The following ITPR1 variants were observed in gnomAD, a reference collection of about 807,000 sequenced individuals.
ITPR1 encodes inositol 1,4,5-trisphosphate-gated calcium channel ITPR1.
Under a neutral mutation model 318.4 loss-of-function variants are expected in ITPR1, and 96 were observed. That is an observed-to-expected ratio of 0.30 (90% CI 0.26 to 0.36). The LOEUF is 0.36. Among genes scored for constraint, ITPR1 ranks in the 10% least tolerant of loss-of-function variants. ITPR1 has a pLI of 1.00. For missense variants in ITPR1, 2,440 were observed against 3,460.2 expected, an observed-to-expected ratio of 0.71 and a Z score of 7.40; for synonymous variants, 1,312 against 1,289.9, an observed-to-expected ratio of 1.02 and a Z score of -0.37.
chr3:4,615,069 G>T (rs1043747041), intron 4 of ITPR1, among the ~76,000 whole-genome samples: 19 of 152,328 alleles, frequency 1.2e-4, no homozygotes, highest in Admixed American at 1.1e-3. Context: ...ACTATGGGAG[G>T]CATGGCTGCG....
chr3:4,725,759 G>A (rs2042471951), intron 41 of ITPR1, among the ~76,000 whole-genome samples, 178 bp downstream of exon 41: 1 of 152,150 alleles, frequency 6.6e-6, no homozygotes, highest in Admixed American at 6.5e-5. Flanking sequence ...GGCTCTCAGT[G>A]TAGAAAGTTC....
In ITPR1 at chr3:4,727,189, T is replaced by A; in HGVS notation, c.5220+16T>A. ...CCATAAAAGGGTACGTAGTCTTGAGTCTTGGGTATCGGGAGCTAATGATCA... is the reference window on the plus strand; with the variant it reads ...CCATAAAAGGGTACGTAGTCTTGAGACTTGGGTATCGGGAGCTAATGATCA... On this transcript the variant is annotated intron_variant, in intron 42 of 61. Coordinates refer to ENST00000649015, the MANE Select transcript of ITPR1 (RefSeq NM_001378452.1). 1 of 1,575,008 alleles carries A rather than the reference T, an allele frequency of 6.3e-7. No homozygotes were observed. The highest frequency in any genetic ancestry group is 1.1e-5 in the South Asian group (1 of 87,922).
At chr3:4,607,612 G>A (rs1192061749) in intron 4 of ITPR1, among the ~76,000 whole-genome samples, 3 of 152,194 alleles carry the variant, frequency 2.0e-5, no homozygotes, top group East Asian at 1.9e-4. Context: ...GAATTTGGGG[G>A]CAAGGGTTTT....
chr3:4,674,180 T>A, intron 21 of ITPR1, 22 bp from the exon 22 acceptor site: 1 of 1,528,518 alleles, frequency 6.5e-7, no homozygotes. Context: ...TTTTGTTTCC[T>A]TTCTTTCTCC....
At chr3:4,638,402 T>A (rs2093253908) in intron 5 of ITPR1, among the ~76,000 whole-genome samples, 1 of 152,192 alleles carries the variant, frequency 6.6e-6, no homozygotes, top group Admixed American at 6.5e-5. Flanking sequence ...TATTGTAGTG[T>A]GGTAACAGTG....
At chr3:4,659,167 A>G (rs973818345) in intron 13 of ITPR1, among the ~76,000 whole-genome samples, 1 of 152,210 alleles carries the variant, frequency 6.6e-6, no homozygotes, top group African/African-American at 2.4e-5. Context: ...GATTACACGT[A>G]TGGCCCCTCG....
chr3:4,621,933 C>T (rs540497576), intron 4 of ITPR1, among the ~76,000 whole-genome samples: 1 of 152,246 alleles, frequency 6.6e-6, no homozygotes, highest in South Asian at 2.1e-4. Flanking sequence ...TGCCTCCCCA[C>T]CTCAGCCCTA....
At chr3:4,571,477 T>C (rs556627844) in intron 4 of ITPR1, among the ~76,000 whole-genome samples, 3 of 152,192 alleles carry the variant, frequency 2.0e-5, no homozygotes, top group African/African-American at 7.2e-5. Flanking sequence ...TAGCTGGGAC[T>C]ACAGGCACAT....
intron 34 of ITPR1, among the ~76,000 whole-genome samples, chr3:4,697,777 C>T (rs1257096251): frequency 2.6e-5 from 4 of 151,956 alleles, no homozygotes; most frequent in African/African-American, 7.3e-5. Context: ...TGCTCTTAGC[C>T]GAGAATGGAT....
At chr3:4,649,915 G>A (rs560776273) in intron 10 of ITPR1, among the ~76,000 whole-genome samples, 1 of 152,236 alleles carries the variant, frequency 6.6e-6, no homozygotes, top group African/African-American at 2.4e-5. Flanking sequence ...ACCTCCCAAA[G>A]GTGAAGTATA....
intron 60 of ITPR1, among the ~76,000 whole-genome samples, chr3:4,836,502 T>C (rs2050927684): frequency 6.6e-6 from 1 of 152,188 alleles, no homozygotes; most frequent in Non-Finnish European, 1.5e-5. Context: ...GTATTCAGAT[T>C]TGGAGATTAG....
intron 4 of ITPR1, among the ~76,000 whole-genome samples, chr3:4,531,608 G>A (rs2083421176): frequency 6.6e-6 from 1 of 152,134 alleles, no homozygotes; most frequent in Non-Finnish European, 1.5e-5. Flanking sequence ...AGCCTTATCT[G>A]CAGTAACTCC....
At chr3:4,645,799 C>CTA (rs2093442337) in intron 10 of ITPR1, 71 bp downstream of exon 10, 2 of 1,413,698 alleles carry the variant, frequency 1.4e-6, no homozygotes, top group Non-Finnish European at 9.8e-7. Context: ...CTCTCTCTCT[C>CTA]TATCCTACAA....
At chr3:4,571,212 G>A (rs1207403259) in intron 4 of ITPR1, among the ~76,000 whole-genome samples, 1 of 152,212 alleles carries the variant, frequency 6.6e-6, no homozygotes, top group Non-Finnish European at 1.5e-5. Flanking sequence ...TCATGTCAGA[G>A]GGCATGGATA....
At position 4,710,496 on chromosome 3, in the gene ITPR1, G is replaced by A. The variant is rs373933380; in HGVS notation, c.4991+23G>A. ...CAAGTAAGCGGCCTCTCTCTCTGGG[G>A]TGTTCATTTGCCAGAACCTTGATGA... On this transcript the variant is annotated intron_variant, in intron 38 of 61. Transcript: ENST00000649015. The surrounding 1 kb of genome is among the most constrained non-coding windows in gnomAD (Gnocchi z 4.2). The A allele has an allele frequency of 1.1e-5, 17 of 1,548,826 alleles. No individual in the cohort carries two copies. The highest frequency in any genetic ancestry group is 1.5e-5 in the Non-Finnish European group (17 of 1,144,794).
intron 39 of ITPR1, among the ~76,000 whole-genome samples, chr3:4,714,815 T>C (rs1435848849): frequency 6.6e-6 from 1 of 152,240 alleles, no homozygotes; most frequent in Non-Finnish European, 1.5e-5. Context: ...AACTTTGGCG[T>C]GCCTGTTTGG....
chr3:4,633,664 T>A (rs1011699510), intron 5 of ITPR1, among the ~76,000 whole-genome samples: 1 of 152,200 alleles, frequency 6.6e-6, no homozygotes, highest in Admixed American at 6.5e-5. Context: ...TTCCTAAGGG[T>A]CTCTTGACAA....
At chr3:4,599,320 G>C (rs948779957) in intron 4 of ITPR1, among the ~76,000 whole-genome samples, 1 of 152,128 alleles carries the variant, frequency 6.6e-6, no homozygotes, top group South Asian at 2.1e-4. Context: ...TCCTGCTCAC[G>C]CTTGTTTTTT....
chr3:4,543,351 A>T (rs907853244), intron 4 of ITPR1, among the ~76,000 whole-genome samples: 4 of 152,202 alleles, frequency 2.6e-5, no homozygotes, highest in Non-Finnish European at 5.9e-5. Flanking sequence ...CTCTGGGTCA[A>T]TCTGCTTAGG....
Sources: allele counts gnomAD v4.1 joint callset (sites outside exome capture counted in the v4.1 genomes callset), GRCh38; gene constraint gnomAD v4.1.1; non-coding constraint Gnocchi (gnomAD v3.1); transcripts MANE v1.5; gene names NCBI Gene and HGNC (gene_info 2026-07-23, HGNC 2026-07-21).